The following RAB27A variants were observed in gnomAD, a reference collection of about 807,000 sequenced individuals.
RAB27A encodes RAB27A, member RAS oncogene family.
In RAB27A, 17 loss-of-function variants were observed where a neutral mutation model predicts 20.8. The observed-to-expected ratio is 0.82, with a 90% CI of 0.56 to 1.23. The LOEUF (loss-of-function observed/expected upper bound fraction) is 1.23. Ranked by LOEUF, RAB27A falls within the 50% of genes most tolerant of loss-of-function variation. RAB27A has a pLI of 0.00. For synonymous variants in RAB27A, 85 were observed against 92.8 expected (o/e 0.92, Z 0.48); for missense variants, 277 against 266.7 (o/e 1.04, Z -0.27).
At position 55,205,093 on chromosome 15, in the gene RAB27A, G is replaced by T; in HGVS notation, c.*414C>A. The T allele has an allele frequency of 4.4e-6, 1 of 229,626 alleles. No homozygotes were observed. The highest frequency in any genetic ancestry group is 5.8e-5 in the South Asian group (1 of 17,284). The allele number at this position is 229,626 out of a possible 1,614,324, so 14.2% of individuals were successfully genotyped here. A position where few individuals can be genotyped will look rare whatever the true frequency, so the allele number is the denominator to read the frequency against. ...CCTATGGCATGAGTCTTCAAATCTG[G>T]ATTGAAGACTGTGGCGGTTTTATAA... On this transcript the variant is annotated 3_prime_UTR_variant, in exon 7 of 7. Coordinates refer to ENST00000336787, the MANE Select transcript of RAB27A (RefSeq NM_183235.3).
chr15:55,302,176 C>CAAA (rs373778914), intron 2 of RAB27A, among the ~76,000 whole-genome samples: 14 of 119,780 alleles, frequency 1.2e-4, no homozygotes, highest in Non-Finnish European at 1.7e-4. Context: ...GACTCTGTCT[C>CAAA]AAAAAAAAAA....
chr15:55,212,325 T>C (rs2140920336), intron 6 of RAB27A, among the ~76,000 whole-genome samples: 1 of 152,290 alleles, frequency 6.6e-6, no homozygotes, highest in South Asian at 2.1e-4. Flanking sequence ...TAGGTTCTAC[T>C]GGTTCCAAAC....
intron 2 of RAB27A, chr15:55,237,430 A>G (rs1896304220): frequency 6.6e-6 from 1 of 152,180 alleles, no homozygotes; most frequent in Non-Finnish European, 1.5e-5. Context: ...GCCCGTGGAT[A>G]AGGGCAGAGC....
intron 2 of RAB27A, among the ~76,000 whole-genome samples, chr15:55,261,530 C>T (rs1198282978): frequency 1.3e-5 from 2 of 150,310 alleles, no homozygotes; most frequent in Admixed American, 6.6e-5. Flanking sequence ...GAGTTCAAGA[C>T]CAGCCTGGCC....
chr15:55,292,540 G>T (rs1218196880), upstream of RAB27A, among the ~76,000 whole-genome samples: 1 of 152,228 alleles, frequency 6.6e-6, no homozygotes, highest in Non-Finnish European at 1.5e-5. Context: ...GAATCAAGAG[G>T]ACTGGGATGT....
chr15:55,317,022 C>T (rs2055049129), intron 1 of RAB27A, among the ~76,000 whole-genome samples: 1 of 152,220 alleles, frequency 6.6e-6, no homozygotes, highest in African/African-American at 2.4e-5. Context: ...CACACTGAGA[C>T]TGGCACCCCA....
At chr15:55,232,058 C>G (rs1208659465) in intron 3 of RAB27A, among the ~76,000 whole-genome samples, 1 of 152,194 alleles carries the variant, frequency 6.6e-6, no homozygotes, top group Admixed American at 6.6e-5. Flanking sequence ...TCACTTCTGA[C>G]TGACTTTGAG....
At chr15:55,273,885 T>C (rs971712353) in intron 1 of RAB27A, among the ~76,000 whole-genome samples, 2 of 152,154 alleles carry the variant, frequency 1.3e-5, no homozygotes, top group Non-Finnish European at 2.9e-5. Context: ...AACAACATTA[T>C]AGAACAAATG....
chr15:55,222,659 C>A (rs920236316), intron 6 of RAB27A, among the ~76,000 whole-genome samples: 15 of 152,076 alleles, frequency 9.9e-5, no homozygotes, highest in Non-Finnish European at 1.5e-4. Flanking sequence ...GCTTTCTGAA[C>A]CTCCATCAAC....
intron 2 of RAB27A, among the ~76,000 whole-genome samples, chr15:55,242,629 A>G (rs1213428853): frequency 6.6e-6 from 1 of 152,230 alleles, no homozygotes; most frequent in African/African-American, 2.4e-5. Flanking sequence ...TGTAACCAGT[A>G]CCTGAACCTT....
intron 2 of RAB27A, among the ~76,000 whole-genome samples, chr15:55,264,248 G>A (rs974808339): frequency 3.3e-5 from 5 of 152,048 alleles, no homozygotes; most frequent in Admixed American, 2.0e-4. Flanking sequence ...ACAGGGTTTC[G>A]CCATGTTGCC....
intron 2 of RAB27A, among the ~76,000 whole-genome samples, chr15:55,312,616 G>A (rs1327435061): frequency 6.6e-6 from 1 of 151,792 alleles, no homozygotes; most frequent in Non-Finnish European, 1.5e-5. Flanking sequence ...GTAACTCAGT[G>A]TGGTTTTGTT....
upstream of RAB27A, among the ~76,000 whole-genome samples, chr15:55,293,474 A>G (rs1399366166): frequency 6.6e-6 from 1 of 151,910 alleles, no homozygotes; most frequent in African/African-American, 2.4e-5. Flanking sequence ...TGTATTAGAA[A>G]TGAACAATTG....
intron 1 of RAB27A, among the ~76,000 whole-genome samples, chr15:55,275,369 A>G (rs11638732): frequency 0.28 from 42,437 of 152,056 alleles, 6,952 homozygotes; most frequent in East Asian, 0.56. Flanking sequence ...GCTCACACCT[A>G]TAATCCCAGC....
chr15:55,310,320 CA>C (rs982276539), intron 2 of RAB27A, among the ~76,000 whole-genome samples: 2 of 152,090 alleles, frequency 1.3e-5, no homozygotes, highest in African/African-American at 4.8e-5. Context: ...TCCTGGCCCT[CA>C]ATGGTCAAGC....
intron 2 of RAB27A, among the ~76,000 whole-genome samples, chr15:55,303,581 C>T (rs1294957573): frequency 3.6e-4 from 29 of 80,444 alleles, no homozygotes; most frequent in African/African-American, 1.0e-3. Flanking sequence ...GCCCCCCGCC[C>T]GGCCAGCCGC....
At chr15:55,308,060 A>C (rs1432096503) in intron 2 of RAB27A, among the ~76,000 whole-genome samples, 2 of 152,156 alleles carry the variant, frequency 1.3e-5, no homozygotes, top group Non-Finnish European at 2.9e-5. Context: ...TCTTCTGAGT[A>C]CTGGGGCTTG....
rs1466042112 is a variant in RAB27A, at chr15:55,204,708, C to A, written c.*799G>T. On this transcript the variant is annotated 3_prime_UTR_variant, in exon 7 of 7. Transcript: ENST00000336787. The stretch of plus-strand genomic sequence containing the variant: ...TGTTCAGGTGCGGCCAGCACATAGG[C>A]CAAGTATAAATGTACAATCACAGTG... The A allele has an allele frequency of 1.3e-5, 2 of 152,180 alleles. No individual in the cohort carries two copies. Among genetic ancestry groups the A allele is most frequent in the Admixed American group, 6.5e-5 (1 of 15,274 alleles). The allele number at this position is 152,180 out of a possible 1,614,324, so 9.4% of individuals were successfully genotyped here.
intron 2 of RAB27A, among the ~76,000 whole-genome samples, chr15:55,241,938 G>A (rs772525166): frequency 6.6e-6 from 1 of 151,982 alleles, no homozygotes; most frequent in Non-Finnish European, 1.5e-5. Context: ...AAATAAGATA[G>A]AAGAGAGTAG....
Sources: gnomAD v4.1 joint callset for allele counts (sites outside exome capture counted in the v4.1 genomes callset) on GRCh38, gnomAD v4.1.1 for gene constraint, MANE v1.5 for transcripts, NCBI Gene and HGNC (gene_info 2026-07-23, HGNC 2026-07-21) for gene names.